The following DACH2 variants were observed in gnomAD, a reference collection of about 807,000 sequenced individuals.
DACH2 encodes the protein dachshund homolog 2.
DACH2 carries 17 observed loss-of-function variants against 35.8 expected under a neutral mutation model. That is an observed-to-expected ratio of 0.48 (90% CI 0.33 to 0.71). The LOEUF (loss-of-function observed/expected upper bound fraction) is 0.71, where lower values mean the gene tolerates loss of function less well. Ranked by LOEUF, DACH2 falls within the 30% of genes least tolerant of loss-of-function variation. DACH2 has a pLI of 0.02. For synonymous variants in DACH2, 195 were observed against 177.3 expected, an observed-to-expected ratio of 1.10 and a Z score of -0.79; for missense variants, 469 against 472.7, an observed-to-expected ratio of 0.99 and a Z score of 0.07.
chrX:86,529,150 T>A (rs1323778494), intron 3 of DACH2, among the ~76,000 whole-genome samples: 3 of 111,832 alleles, frequency 2.7e-5, no homozygotes, highest in African/African-American at 9.8e-5. Flanking sequence ...GCTCAAGTGA[T>A]CTTCTCACTT....
intron 1 of DACH2, among the ~76,000 whole-genome samples, chrX:86,168,626 G>A (rs190452453): frequency 5.4e-4 from 57 of 104,745 alleles, no homozygotes; most frequent in African/African-American, 1.5e-3. Flanking sequence ...TGACTTTCTC[G>A]GTGATATAAT....
intron 1 of DACH2, among the ~76,000 whole-genome samples, chrX:86,296,965 C>T (rs1219571401): frequency 2.8e-5 from 3 of 107,567 alleles, no homozygotes; most frequent in East Asian, 2.9e-4. Context: ...CATGCATGCA[C>T]ATATATGCAA....
At chrX:86,708,934 C>T (rs940442420) in intron 5 of DACH2, among the ~76,000 whole-genome samples, 5 of 111,272 alleles carry the variant, frequency 4.5e-5, no homozygotes, top group African/African-American at 1.3e-4. Context: ...AGATATCTTA[C>T]GTTCATGGAT....
intron 2 of DACH2, among the ~76,000 whole-genome samples, chrX:86,416,625 G>C (rs1195995788): frequency 1.8e-5 from 2 of 111,444 alleles, no homozygotes; most frequent in African/African-American, 6.5e-5. Context: ...CTTGAGAAAA[G>C]GGATTTATTT....
chrX:86,409,738 G>A (rs943761042), intron 2 of DACH2, among the ~76,000 whole-genome samples: 4 of 111,790 alleles, frequency 3.6e-5, no homozygotes, highest in Non-Finnish European at 7.5e-5. Context: ...TTATAACAAT[G>A]CAAGAATAGC....
intron 2 of DACH2, among the ~76,000 whole-genome samples, chrX:86,406,307 A>G (rs1399214326): frequency 1.8e-5 from 2 of 111,898 alleles, no homozygotes; most frequent in Non-Finnish European, 3.8e-5. Flanking sequence ...TAAATATCAC[A>G]TATTTTCACT....
intron 1 of DACH2, among the ~76,000 whole-genome samples, chrX:86,185,560 G>T (rs1215900571): frequency 5.4e-5 from 6 of 111,215 alleles, no homozygotes; most frequent in African/African-American, 2.0e-4. Flanking sequence ...GGCCTACTCA[G>T]TTCTCTGGAA....
At chrX:86,788,581 C>G (rs1207569296) in intron 7 of DACH2, among the ~76,000 whole-genome samples, 2 of 111,971 alleles carry the variant, frequency 1.8e-5, no homozygotes, top group African/African-American at 6.5e-5. Flanking sequence ...ACTTTTTCTT[C>G]TCCATGATGA....
chrX:86,690,201 T>C (rs753412152), intron 4 of DACH2, among the ~76,000 whole-genome samples: 149 of 111,945 alleles, frequency 1.3e-3, no homozygotes, highest in Non-Finnish European at 7.7e-4. Flanking sequence ...ACTGCTGGAT[T>C]TCCTTTATAC....
At chrX:86,593,973 G>A (rs967764430) in intron 3 of DACH2, among the ~76,000 whole-genome samples, 1 of 110,731 alleles carries the variant, frequency 9.0e-6, no homozygotes, top group Non-Finnish European at 1.9e-5. Context: ...ACCCATCGTA[G>A]CCTGGTTATT....
rs988082792 is a variant in DACH2, at chrX:86,356,071, A to G, written c.489-20753A>G. Among the ~76,000 whole-genome samples, 3 of 111,018 alleles carry G rather than the reference A, an allele frequency of 2.7e-5. No homozygotes were observed. The Admixed American group carries it at 2.9e-4, about 11-fold the overall frequency. On this transcript the variant is annotated intron_variant, in intron 1 of 11. Transcript: ENST00000373125. ...CTTGTCAATATTTCCTTTTTTTGCA[A>G]TTGCTTTCAGTGTGTTCATTATGAA...
At chrX:86,291,529 T>C (rs947976711) in intron 1 of DACH2, among the ~76,000 whole-genome samples, 2 of 107,403 alleles carry the variant, frequency 1.9e-5, no homozygotes, top group African/African-American at 6.9e-5. Context: ...GCTTCCAGTT[T>C]TTGCCCATTC....
intron 1 of DACH2, among the ~76,000 whole-genome samples, chrX:86,336,628 C>T (rs1355030184): frequency 1.8e-5 from 2 of 111,593 alleles, no homozygotes; most frequent in Admixed American, 9.6e-5. Context: ...GAAACAAGTG[C>T]AGAAAGGCTT....
intron 1 of DACH2, among the ~76,000 whole-genome samples, chrX:86,191,679 A>G (rs1013738752): frequency 1.8e-5 from 2 of 111,369 alleles, no homozygotes; most frequent in Non-Finnish European, 3.8e-5. Flanking sequence ...GGTGGCTCCC[A>G]GGTGTAAGCC....
intron 1 of DACH2, among the ~76,000 whole-genome samples, chrX:86,182,095 A>C (rs955918083): frequency 3.6e-5 from 4 of 111,964 alleles, no homozygotes; most frequent in Admixed American, 2.8e-4. Flanking sequence ...GCTCTTTGTC[A>C]GATGGACAGA....
chrX:86,457,369 CTG>C (rs1426057447), intron 2 of DACH2, among the ~76,000 whole-genome samples: 1 of 111,892 alleles, frequency 8.9e-6, no homozygotes, highest in Non-Finnish European at 1.9e-5. Context: ...ATGAGACTAA[CTG>C]TGCCTAGTTA....
At chrX:86,163,793 A>G (rs1248053826) in intron 1 of DACH2, among the ~76,000 whole-genome samples, 8 of 111,523 alleles carry the variant, frequency 7.2e-5, no homozygotes, top group Non-Finnish European at 1.5e-4. Context: ...TCCGTGGTGT[A>G]TATGTATCAC....
At chrX:86,731,505 T>G (rs1159579798) in intron 6 of DACH2, among the ~76,000 whole-genome samples, 1 of 111,774 alleles carries the variant, frequency 8.9e-6, no homozygotes, top group Admixed American at 9.5e-5. Flanking sequence ...TTTCAATACC[T>G]TCAACAAAGC....
intron 2 of DACH2, among the ~76,000 whole-genome samples, chrX:86,408,128 A>G (rs2036554250): frequency 9.0e-6 from 1 of 111,687 alleles, no homozygotes. Context: ...ACTGCACACT[A>G]TTAAATGGTG....
Sources: allele counts gnomAD v4.1 joint callset (sites outside exome capture counted in the v4.1 genomes callset), GRCh38; gene constraint gnomAD v4.1.1; transcripts MANE v1.5; gene names NCBI Gene and HGNC (gene_info 2026-07-23, HGNC 2026-07-21).